Variants in BCAR1 observed in about 807,000 individuals in gnomAD.
BCAR1 encodes the protein BCAR1 scaffold protein, Cas family member.
A neutral mutation model predicts 67.6 loss-of-function variants in BCAR1; 30 were observed. The ratio of observed to expected loss-of-function variants is 0.44; its 90% confidence interval spans 0.33 to 0.60. The LOEUF is 0.60. Ranked by LOEUF, BCAR1 falls within the 20% of genes least tolerant of loss-of-function variation. The pLI, the probability that BCAR1 is intolerant of heterozygous loss-of-function variation, is 0.02. For synonymous variants in BCAR1, 626 were observed against 556.7 expected (o/e 1.12, Z -1.75); for missense variants, 1,313 against 1,222.3 (o/e 1.07, Z -1.11).
rs1407171216 is a variant in BCAR1, at chr16:75,242,794, G to A, written c.309C>T (p.Leu103=). ...APPASQYTPM[L]PNTYQPQPDS... is the part of the protein sequence containing the mutation. ...CTGGCTGGGGCTGGTAGGTGTTGGG[G>A]AGCATGGGCGTGTACTGGGAGGCCG... The change falls in exon 2 of 7, where the codon CTC becomes CTT. Residue 103 remains leucine, a synonymous_variant. Coordinates refer to ENST00000162330, the MANE Select transcript of BCAR1 (RefSeq NM_014567.5). 3 of 1,601,350 alleles carry A rather than the reference G, an allele frequency of 1.9e-6. No homozygotes were observed. Among genetic ancestry groups the A allele is most frequent in the Middle Eastern group, 2.1e-4 (1 of 4,804 alleles).
chr16:75,251,340 C>T, intron 1 of BCAR1, 131 bp downstream of exon 1: 1 of 1,291,868 alleles, frequency 7.7e-7, no homozygotes, highest in East Asian at 3.3e-5. Flanking sequence ...AAGGAGATCC[C>T]AGGGCCGCGG....
At chr16:75,233,959 C>T (rs779578550) in intron 5 of BCAR1, 24 bp from the exon 6 acceptor site, 29 of 1,576,686 alleles carry the variant, frequency 1.8e-5, no homozygotes, top group South Asian at 4.6e-5. Context: ...ACAGGGGCTG[C>T]GCTGAGGCCA....
chr16:75,257,404 C>T (rs1474965177), intron 1 of BCAR1, among the ~76,000 whole-genome samples: 3 of 152,100 alleles, frequency 2.0e-5, no homozygotes, highest in African/African-American at 7.2e-5. Context: ...GTGGCAGTGA[C>T]GGAAAGAGTG....
intron 1 of BCAR1, among the ~76,000 whole-genome samples, chr16:75,261,868 C>T (rs1186858732): frequency 6.6e-6 from 1 of 152,238 alleles, no homozygotes; most frequent in Non-Finnish European, 1.5e-5. Flanking sequence ...TGGGTCTGAG[C>T]CACTGCACTA....
At chr16:75,254,836 G>A (rs1392332743), upstream of BCAR1, among the ~76,000 whole-genome samples, 3 of 152,192 alleles carry the variant, frequency 2.0e-5, no homozygotes, top group African/African-American at 7.2e-5. Context: ...ACAGAAAACA[G>A]GTGGACCCAG....
rs114217051 is a variant in BCAR1, at chr16:75,264,019, T to C, written c.66+3896A>G. ...CCTCTGCCCACCCCCAGCAGAATTC[T>C]CCTGGGCTGTGACTACAAGGGAGAG... On this transcript the variant is annotated intron_variant, in intron 1 of 6. Transcript: ENST00000393422. 1.4e-3 allele frequency: 1,655 copies of C among 1,212,620 alleles called. 27 individuals carry two copies. Among genetic ancestry groups the C allele is most frequent in the African/African-American group, 0.011 (687 of 64,284 alleles). The allele number at this position is 1,212,620 out of a possible 1,614,324, so 75.1% of individuals were successfully genotyped here. A position where few individuals can be genotyped will look rare whatever the true frequency, so the allele number is the denominator to read the frequency against.
intron 1 of BCAR1, among the ~76,000 whole-genome samples, chr16:75,259,179 T>A (rs1018433551): frequency 6.6e-6 from 1 of 152,212 alleles, no homozygotes; most frequent in Non-Finnish European, 1.5e-5. Context: ...AGGAGTGTGG[T>A]CATACCACTT....
chr16:75,250,406 GT>G, intron 1 of BCAR1, among the ~76,000 whole-genome samples: 1 of 152,336 alleles, frequency 6.6e-6, no homozygotes. Flanking sequence ...GAGGGGGCGT[GT>G]CCCGGCCCAG....
Position 75,235,678 on chromosome 16 carries a change from A to G in BCAR1, c.1221T>C (p.Ser407=). Residue 407 remains serine, a synonymous_variant, in exon 5 of 7, where the codon AGT becomes AGC. Coordinates refer to ENST00000162330, the MANE Select transcript of BCAR1 (RefSeq NM_014567.5). Reference sequence around the variant, plus strand: ...CTGGGGGAGGCACCGCATACACACCACTGTCGACCACGCCACCATCAGCCA... The same window carrying G: ...CTGGGGGAGGCACCGCATACACACCGCTGTCGACCACGCCACCATCAGCCA... ...PEVADGGVVD[S]GVYAVPPPAE... is the part of the protein sequence containing the mutation. The G allele has an allele frequency of 6.2e-7, 1 of 1,611,706 alleles. No individual in the cohort carries two copies. Among genetic ancestry groups the G allele is most frequent in the South Asian group, 1.1e-5 (1 of 90,854 alleles).
At chr16:75,253,671 C>G (rs971222543), upstream of BCAR1, among the ~76,000 whole-genome samples, 7 of 152,236 alleles carry the variant, frequency 4.6e-5, no homozygotes, top group Non-Finnish European at 1.0e-4. Context: ...CTGTGCCTCC[C>G]AGAATGGCAT....
chr16:75,248,048 G>A (rs774082944), intron 1 of BCAR1: 4 of 1,500,836 alleles, frequency 2.7e-6, no homozygotes, highest in East Asian at 2.3e-5. Context: ...CATAAGACAC[G>A]ATTACCTCCA....
At chr16:75,252,493 G>T (rs2151464951), upstream of BCAR1, 1 of 1,263,004 alleles carries the variant, frequency 7.9e-7, no homozygotes. Flanking sequence ...CTCGGTTGCA[G>T]GTCAGTGACT....
chr16:75,266,706 TC>T, intron 1 of BCAR1: 1 of 1,393,106 alleles, frequency 7.2e-7, no homozygotes, highest in Non-Finnish European at 9.4e-7. Context: ...GGCACTGAGA[TC>T]CCTCACCCAC....
upstream of BCAR1, among the ~76,000 whole-genome samples, chr16:75,254,298 A>T (rs919696278): frequency 1.4e-4 from 21 of 152,164 alleles, no homozygotes; most frequent in Admixed American, 8.5e-4. Flanking sequence ...CCCCTGTCAC[A>T]CTCAGACTGC....
chr16:75,257,638 A>G (rs1237649882), intron 1 of BCAR1, among the ~76,000 whole-genome samples: 1 of 152,040 alleles, frequency 6.6e-6, no homozygotes, highest in African/African-American at 2.4e-5. Flanking sequence ...TATTTTTTGT[A>G]GAAATGGGGT....
chr16:75,266,197 C>T, intron 1 of BCAR1: 1 of 219,532 alleles, frequency 4.6e-6, no homozygotes, highest in Non-Finnish European at 7.8e-6. Flanking sequence ...TCCCCTCCCC[C>T]AACACTACAC....
chr16:75,241,308 ATG>A (rs1172112809), intron 2 of BCAR1, among the ~76,000 whole-genome samples: 3 of 152,056 alleles, frequency 2.0e-5, no homozygotes, highest in African/African-American at 7.2e-5. Context: ...CATGTAGCGC[ATG>A]TGTGTGTTCG....
intron 1 of BCAR1, chr16:75,246,559 G>C (rs2077529533): frequency 6.6e-6 from 1 of 152,556 alleles, no homozygotes; most frequent in South Asian, 2.1e-4. Context: ...CAGCCAGGGG[G>C]CTGGAGCAGG....
chr16:75,236,520 C>A, intron 4 of BCAR1: 1 of 378,164 alleles, frequency 2.6e-6, no homozygotes. Context: ...ATCAGGGGAC[C>A]AAATTCTGGT....
Sources: allele counts gnomAD v4.1 joint callset (sites outside exome capture counted in the v4.1 genomes callset), GRCh38; gene constraint gnomAD v4.1.1; transcripts MANE v1.5; gene names NCBI Gene and HGNC (gene_info 2026-07-23, HGNC 2026-07-21).